The following OIP5 variants were observed in gnomAD, a reference collection of about 807,000 sequenced individuals.
OIP5 encodes protein Mis18-beta.
A neutral mutation model predicts 20.3 loss-of-function variants in OIP5; 24 were observed. The observed-to-expected ratio is 1.18, with a 90% CI of 0.86 to 1.66. The LOEUF (loss-of-function observed/expected upper bound fraction) is 1.66, where lower values mean the gene tolerates loss of function less well. Ranked by LOEUF, OIP5 falls within the 40% of genes most tolerant of loss-of-function variation. The pLI, the probability that OIP5 is intolerant of heterozygous loss-of-function variation, is 0.00. For synonymous variants in OIP5, 143 were observed against 121.3 expected, an observed-to-expected ratio of 1.18 and a Z score of -1.17; for missense variants, 339 against 289.5, an observed-to-expected ratio of 1.17 and a Z score of -1.24.
rs201962885 is a variant in OIP5, at chr15:41,332,533, G to A, written c.29C>T (p.Ser10Leu). 20 of 1,610,696 alleles carry A rather than the reference G, an allele frequency of 1.2e-5. No homozygotes were observed. Among genetic ancestry groups the A allele is most frequent in the East Asian group, 4.5e-5 (2 of 44,860 alleles). Reference sequence around the variant, plus strand: ...CCCCCGGGGCGGCGTTGCACAACGTGAGCGATGCCGCAGCGGCTGAGCCGC... The same window carrying A: ...CCCCCGGGGCGGCGTTGCACAACGTAAGCGATGCCGCAGCGGCTGAGCCGC... MAAQPLRHR[S>L]RCATPPRGDF... The change falls in exon 1 of 5, where the codon TCA (serine) becomes TTA (leucine). Residue 10 changes from serine to leucine, a missense_variant. Transcript: ENST00000220514.
chr15:41,313,337 T>G lies in OIP5; in HGVS notation c.530A>C (p.Lys177Thr). ...CATCTCTGATGCATTTACTATGGCT[T>G]TTGTTTTTAAGAGATAGCTAGATAG... ...DKMVCYLLKT[K>T]AIVNASEMDI... Residue 177 changes from lysine (K) to threonine (T), a missense_variant, in exon 4 of 5, where the codon AAA becomes ACA. Lys to Thr is a moderately conservative substitution (Grantham distance 78). Transcript: ENST00000220514. 3 of 1,600,502 alleles carry G rather than the reference T, an allele frequency of 1.9e-6. No homozygotes were observed. Among genetic ancestry groups the G allele is most frequent in the Non-Finnish European group, 2.6e-6 (3 of 1,171,792 alleles).
intron 2 of OIP5, among the ~76,000 whole-genome samples, chr15:41,320,532 G>C (rs562190073): frequency 6.6e-6 from 1 of 152,146 alleles, no homozygotes; most frequent in African/African-American, 2.4e-5. Flanking sequence ...CACCAGCCTC[G>C]GCCTCCCAGG....
intron 2 of OIP5, among the ~76,000 whole-genome samples, chr15:41,324,050 G>A (rs1474011517): frequency 7.0e-6 from 1 of 143,780 alleles, no homozygotes; most frequent in Non-Finnish European, 1.5e-5. Context: ...GGAGTGTGGT[G>A]GCACAATCAC....
Position 41,332,502 on chromosome 15 carries a change from A to G in OIP5, c.60T>C (p.Phe20=), listed in dbSNP as rs1444743326. The G allele has an allele frequency of 1.9e-6, 3 of 1,613,890 alleles. No homozygotes were observed. Among genetic ancestry groups the G allele is most frequent in the Non-Finnish European group, 2.5e-6 (3 of 1,179,888 alleles). ...SRCATPPRGD[F]CGGTERAIDQ... ...CAATCGCCCTCTCAGTGCCACCACA[A>G]AAGTCCCCCCGGGGCGGCGTTGCAC... Residue 20 remains phenylalanine (F), a synonymous_variant, in exon 1 of 5, where the codon TTT becomes TTC. Transcript: ENST00000220514.
chr15:41,328,526 T>G (rs1444293935), intron 2 of OIP5, among the ~76,000 whole-genome samples: 1 of 152,206 alleles, frequency 6.6e-6, no homozygotes, highest in Non-Finnish European at 1.5e-5. Context: ...AAAAGCTATT[T>G]CTAAGTGTCA....
chr15:41,329,314 T>A (rs1028001062), intron 2 of OIP5, among the ~76,000 whole-genome samples: 1 of 128,416 alleles, frequency 7.8e-6, no homozygotes, highest in African/African-American at 3.3e-5. Context: ...TTCCCTCTAG[T>A]TTTTTTTTTT....
intron 3 of OIP5, among the ~76,000 whole-genome samples, chr15:41,317,502 C>T (rs900591342): frequency 4.6e-5 from 7 of 151,958 alleles, no homozygotes; most frequent in African/African-American, 1.5e-4. Context: ...GCCTCAGCCT[C>T]CCAAGTAGCT....
intron 2 of OIP5, 23 bp from the exon 3 acceptor site, chr15:41,319,803 T>C: frequency 6.3e-7 from 1 of 1,582,708 alleles, no homozygotes; most frequent in Non-Finnish European, 8.6e-7. Context: ...AAAAACACAA[T>C]ATGGGTAAGA....
rs538562854 is a variant in OIP5 at position 41,332,301 on chromosome 15, G to A, written c.261C>T (p.Leu87=). 10 of 1,589,142 alleles carry A rather than the reference G, an allele frequency of 6.3e-6. No homozygotes were observed. The African/African-American group carries it at 1.2e-4, about 19-fold the overall frequency. The change falls in exon 1 of 5, where the codon CTC becomes CTT. Residue 87 remains leucine, a synonymous_variant. Coordinates refer to ENST00000220514, the MANE Select transcript of OIP5 (RefSeq NM_007280.2). ...CCCAGGCGAGGTGCACCGAGTCGGC[G>A]AGCACTGCGTGACACTGTGCGCACT... The part of the protein sequence containing the change: ...VFQCAQCHAV[L]ADSVHLAWDL...
intron 2 of OIP5, among the ~76,000 whole-genome samples, chr15:41,322,612 G>A (rs1390041800): frequency 6.6e-6 from 1 of 151,986 alleles, no homozygotes; most frequent in Non-Finnish European, 1.5e-5. Flanking sequence ...CAGGCTAGGA[G>A]AATTCTATTA....
chr15:41,322,217 T>G (rs895071335), intron 2 of OIP5, among the ~76,000 whole-genome samples: 1 of 152,158 alleles, frequency 6.6e-6, no homozygotes, highest in African/African-American at 2.4e-5. Flanking sequence ...AGTGGGCAGA[T>G]AGCTTGAGCC....
chr15:41,330,230 G>A (rs1410149054), intron 2 of OIP5, among the ~76,000 whole-genome samples: 1 of 151,332 alleles, frequency 6.6e-6, no homozygotes, highest in Non-Finnish European at 1.5e-5. Flanking sequence ...TTACAGCCTA[G>A]CTGGGATTAC....
chr15:41,322,451 C>T (rs528456466), intron 2 of OIP5, among the ~76,000 whole-genome samples: 13 of 151,948 alleles, frequency 8.6e-5, no homozygotes, highest in African/African-American at 2.9e-4. Flanking sequence ...CAGGTTAGAA[C>T]GTAGTGATAC....
chr15:41,320,679 G>C (rs1288350991), intron 2 of OIP5, among the ~76,000 whole-genome samples: 1 of 152,184 alleles, frequency 6.6e-6, no homozygotes, highest in Non-Finnish European at 1.5e-5. Context: ...AAAGTGCCGA[G>C]ATTACAGCCT....
intron 2 of OIP5, among the ~76,000 whole-genome samples, chr15:41,327,264 C>T (rs2047867656): frequency 6.6e-6 from 1 of 151,148 alleles, no homozygotes; most frequent in Non-Finnish European, 1.5e-5. Context: ...TCACTGCAAC[C>T]TCCGCCTCCT....
At chr15:41,319,560 G>C (rs1251346338) in intron 3 of OIP5, 98 bp downstream of exon 3, 1 of 1,285,496 alleles carries the variant, frequency 7.8e-7, no homozygotes, top group Non-Finnish European at 1.1e-6. Context: ...AGCCTACTTT[G>C]TCTTTCCTGA....
In OIP5 at chr15:41,332,413, AG is replaced by A. The variant is rs2047942577; in HGVS notation, c.148del (p.Leu50SerfsTer71). 6.2e-7 allele frequency: 1 copy of A among 1,613,880 alleles called. No individual in the cohort carries two copies. The highest frequency in any genetic ancestry group is 1.3e-5 in the African/African-American group (1 of 75,024). On this transcript the variant is annotated frameshift_variant, in exon 1 of 5. Transcript: ENST00000220514. LOFTEE classifies it high-confidence loss of function. ...CTCAGCCCCCAGCCCTGCGGGGCCG[AG>A]CGGCGAGGACCCCTTCACCACCTGC... ...DTQVVKGSSP[L>X]GPAGLGAEEP...
At chr15:41,312,164 CTTTTTTTTTT>C (rs1180916308) in intron 4 of OIP5, among the ~76,000 whole-genome samples, 2 of 88,126 alleles carry the variant, frequency 2.3e-5, no homozygotes. Flanking sequence ...TTCTTTTTTT[CTTTTTTTTTT>C]TTTTGAGACA....
At chr15:41,330,409 ATTTTTTT>A (rs766498868) in intron 2 of OIP5, among the ~76,000 whole-genome samples, 6 of 128,668 alleles carry the variant, frequency 4.7e-5, no homozygotes, top group Admixed American at 2.4e-4. Flanking sequence ...CGTAATCAGT[ATTTTTTT>A]TTTTTTTTTT....
Sources: gnomAD v4.1 joint callset for allele counts (sites outside exome capture counted in the v4.1 genomes callset) on GRCh38, gnomAD v4.1.1 for gene constraint, MANE v1.5 for transcripts, NCBI Gene and HGNC (gene_info 2026-07-23, HGNC 2026-07-21) for gene names.